Variants in GUCY1A2 observed in about 807,000 individuals in gnomAD.
The protein encoded by GUCY1A2 is guanylate cyclase 1 soluble subunit alpha 2.
In GUCY1A2, 27 loss-of-function variants were observed where a neutral mutation model predicts 63.5. The observed-to-expected ratio is 0.43, with a 90% CI of 0.31 to 0.59. The LOEUF is 0.59. GUCY1A2 is among the 20% of genes least tolerant of loss of function. The pLI is 0.11. For missense variants in GUCY1A2, 768 were observed against 913.3 expected (o/e 0.84, Z 2.05); for synonymous variants, 364 against 343.5 (o/e 1.06, Z -0.66).
intron 4 of GUCY1A2, among the ~76,000 whole-genome samples, chr11:106,842,479 T>C (rs1859212964): frequency 6.6e-6 from 1 of 152,068 alleles, no homozygotes; most frequent in Non-Finnish European, 1.5e-5. Flanking sequence ...CCCTGCATTC[T>C]ATATTCCTAT....
chr11:106,674,500 A>G lies in GUCY1A2; in HGVS notation c.*13049T>C, dbSNP rs1430881074. ...AATATTTTAAAATATAATATGAAATACCAAATGAAACTTTTTTAAAATTAA... is the reference window on the plus strand; with the variant it reads ...AATATTTTAAAATATAATATGAAATGCCAAATGAAACTTTTTTAAAATTAA... On this transcript the variant is annotated 3_prime_UTR_variant, in exon 8 of 8. Coordinates refer to ENST00000526355, the MANE Select transcript of GUCY1A2 (RefSeq NM_000855.3). 5.6e-6 allele frequency: 1 copy of G among 178,082 alleles called. No homozygotes were observed. The highest frequency in any genetic ancestry group is 2.4e-5 in the African/African-American group (1 of 42,346). The allele number at this position is 178,082 out of a possible 1,614,324, so 11.0% of individuals were successfully genotyped here.
At chr11:106,689,553 G>A (rs888011149) in intron 7 of GUCY1A2, among the ~76,000 whole-genome samples, 1 of 151,978 alleles carries the variant, frequency 6.6e-6, no homozygotes, top group South Asian at 2.1e-4. Context: ...AGTGAGCAGA[G>A]GACATGAACA....
chr11:106,962,331 C>A (rs947623932), intron 3 of GUCY1A2, among the ~76,000 whole-genome samples: 2 of 151,746 alleles, frequency 1.3e-5, no homozygotes, highest in Admixed American at 6.6e-5. Context: ...GCAGGTGGAT[C>A]ATGAGGTCAG....
chr11:106,778,683 C>A (rs1267072689), intron 5 of GUCY1A2, among the ~76,000 whole-genome samples: 2 of 151,974 alleles, frequency 1.3e-5, no homozygotes, highest in Non-Finnish European at 2.9e-5. Flanking sequence ...AGAAATGGGA[C>A]TATGTTTTTT....
intron 4 of GUCY1A2, among the ~76,000 whole-genome samples, chr11:106,867,195 C>T (rs1337892943): frequency 6.6e-6 from 1 of 151,934 alleles, no homozygotes; most frequent in Non-Finnish European, 1.5e-5. Context: ...TGGTTTTCTA[C>T]AAAAATGTAC....
rs1296060748 is a variant in GUCY1A2 at position 106,685,729 on chromosome 11, A to G, written c.*1820T>C. The G allele has an allele frequency of 4.4e-6, 1 of 227,062 alleles. No individual in the cohort carries two copies. Among genetic ancestry groups the G allele is most frequent in the African/African-American group, 2.2e-5 (1 of 44,980 alleles). The allele number at this position is 227,062 out of a possible 1,614,324, so 14.1% of individuals were successfully genotyped here. ...GTAAACCTCCCCATTGTCCAGAAACACAGGCCCACAGAAGAGGGGGTCAGG... is the reference window on the plus strand; with the variant it reads ...GTAAACCTCCCCATTGTCCAGAAACGCAGGCCCACAGAAGAGGGGGTCAGG... On this transcript the variant is annotated 3_prime_UTR_variant, in exon 8 of 8. Coordinates refer to ENST00000526355, the MANE Select transcript of GUCY1A2 (RefSeq NM_000855.3).
chr11:106,857,033 C>G (rs1378005158), intron 4 of GUCY1A2, among the ~76,000 whole-genome samples: 1 of 152,214 alleles, frequency 6.6e-6, no homozygotes, highest in East Asian at 1.9e-4. Context: ...TGAGCTATTA[C>G]ATATCTACTT....
intron 1 of GUCY1A2, among the ~76,000 whole-genome samples, chr11:106,989,983 C>T (rs1415267824): frequency 3.3e-5 from 5 of 152,130 alleles, no homozygotes; most frequent in Non-Finnish European, 7.4e-5. Context: ...GCTGAGTGGC[C>T]TACTAATTTT....
chr11:106,689,101 CAAG>C (rs1295477364), intron 7 of GUCY1A2, among the ~76,000 whole-genome samples: 2 of 151,990 alleles, frequency 1.3e-5, no homozygotes, highest in African/African-American at 4.8e-5. Context: ...ACAATGAGCA[CAAG>C]AAGAATAAAG....
chr11:106,941,258 T>C (rs940568544), intron 3 of GUCY1A2, among the ~76,000 whole-genome samples: 2 of 152,182 alleles, frequency 1.3e-5, no homozygotes, highest in Non-Finnish European at 2.9e-5. Flanking sequence ...TTCCACCTTA[T>C]AGTGCTGGAT....
At chr11:106,695,757 AG>A (rs1851724713) in intron 7 of GUCY1A2, among the ~76,000 whole-genome samples, 1 of 152,210 alleles carries the variant, frequency 6.6e-6, no homozygotes, top group African/African-American at 2.4e-5. Context: ...AAATAAGGAA[AG>A]GAAGAATCTA....
chr11:106,709,966 A>T (rs1463424481), intron 6 of GUCY1A2, among the ~76,000 whole-genome samples: 96 of 376 alleles, frequency 0.26, no homozygotes, highest in Non-Finnish European at 0.3. Flanking sequence ...AGTTATATAT[A>T]ATATAGTTAT....
chr11:106,944,215 CAAAAAAA>C lies in GUCY1A2; in HGVS notation c.488-4044_488-4038del, dbSNP rs71041701. ...GGGCAACAGAGTGAGACCCTGTCTCCAAAAAAAAAAAAAAAAAAAAAGCAGGTGGTCC... is the reference window on the plus strand; with the variant it reads ...GGGCAACAGAGTGAGACCCTGTCTCCAAAAAAAAAAAAAAGCAGGTGGTCC... On this transcript the variant is annotated intron_variant, in intron 3 of 7. Coordinates refer to ENST00000526355, the MANE Select transcript of GUCY1A2 (RefSeq NM_000855.3). Among the ~76,000 whole-genome samples the C allele has an allele frequency of 1.2e-3, 25 of 21,582 alleles. 2 individuals carry two copies. In the South Asian group the frequency reaches 0.023, roughly 20 times the overall value. 14.2% of individuals were successfully genotyped at this position (21,582 alleles called of 152,430 possible). A position where few individuals can be genotyped will look rare whatever the true frequency, so the allele number is the denominator to read the frequency against.
At chr11:106,709,570 G>A (rs184163854) in intron 6 of GUCY1A2, among the ~76,000 whole-genome samples, 2 of 85,882 alleles carry the variant, frequency 2.3e-5, no homozygotes, top group South Asian at 3.1e-4. Flanking sequence ...TGTTATATAC[G>A]TGTATATAAT....
chr11:106,827,707 C>T (rs1858990702), intron 4 of GUCY1A2: 5 of 1,543,562 alleles, frequency 3.2e-6, no homozygotes, highest in Non-Finnish European at 4.5e-6. Flanking sequence ...ACATCAAATT[C>T]TTCCAATATT....
At chr11:106,934,577 C>T (rs983288996) in intron 4 of GUCY1A2, among the ~76,000 whole-genome samples, 31 of 152,158 alleles carry the variant, frequency 2.0e-4, no homozygotes, top group African/African-American at 7.2e-4. Context: ...GATTTGGCCA[C>T]AGAAAACCAG....
chr11:106,986,158 C>A, intron 1 of GUCY1A2, 27 bp from the exon 2 acceptor site: 1 of 1,160,910 alleles, frequency 8.6e-7, no homozygotes, highest in East Asian at 2.4e-5. Context: ...ATAATAAAAA[C>A]ATATTATCAG....
At chr11:106,703,848 A>G (rs1309496327) in intron 7 of GUCY1A2, among the ~76,000 whole-genome samples, 2 of 151,988 alleles carry the variant, frequency 1.3e-5, no homozygotes, top group Non-Finnish European at 2.9e-5. Context: ...ATGATTACTT[A>G]GTAATCATAT....
At chr11:106,759,549 C>A (rs899876073) in intron 6 of GUCY1A2, among the ~76,000 whole-genome samples, 1 of 152,154 alleles carries the variant, frequency 6.6e-6, no homozygotes, top group African/African-American at 2.4e-5. Context: ...AGGGTAATTG[C>A]TGATATAATT....
Sources: allele counts gnomAD v4.1 joint callset (sites outside exome capture counted in the v4.1 genomes callset), GRCh38; gene constraint gnomAD v4.1.1; transcripts MANE v1.5; gene names NCBI Gene and HGNC (gene_info 2026-07-23, HGNC 2026-07-21).